The following TET1 variants were observed in gnomAD, a reference collection of about 807,000 sequenced individuals.
TET1 encodes tet methylcytosine dioxygenase 1.
TET1 carries 13 observed loss-of-function variants against 148.7 expected under a neutral mutation model. That is an observed-to-expected ratio of 0.09 (90% CI 0.06 to 0.14). The LOEUF is 0.14. Ranked by LOEUF, TET1 falls within the 10% of genes least tolerant of loss-of-function variation. The pLI, the probability that TET1 is intolerant of heterozygous loss-of-function variation, is 1.00. For missense variants in TET1, 2,182 were observed against 2,553.8 expected (o/e 0.85, Z 3.14); for synonymous variants, 907 against 937.2 (o/e 0.97, Z 0.59).
chr10:68,649,524 G>A (rs1166562003), intron 4 of TET1, among the ~76,000 whole-genome samples: 1 of 150,790 alleles, frequency 6.6e-6, no homozygotes, highest in Non-Finnish European at 1.5e-5. Flanking sequence ...GGAGAATGGC[G>A]TGAACTGGGA....
Position 68,693,569 on chromosome 10 carries a change from A to G in TET1, c.*1755A>G, listed in dbSNP as rs1257152880. On this transcript the variant is annotated 3_prime_UTR_variant, in exon 12 of 12. Transcript: ENST00000373644. ...AAAACAAAATGTCCATTGATAGACC[A>G]TCGTGTACAAGTAGATTTCTGCTTG... 4.3e-6 allele frequency: 1 copy of G among 232,830 alleles called. No homozygotes were observed. The highest frequency in any genetic ancestry group is 6.1e-5 in the East Asian group (1 of 16,458). The allele number at this position is 232,830 out of a possible 1,614,324, so 14.4% of individuals were successfully genotyped here.
intron 10 of TET1, among the ~76,000 whole-genome samples, chr10:68,685,295 A>T (rs1400266615): frequency 6.6e-6 from 1 of 152,192 alleles, no homozygotes; most frequent in Non-Finnish European, 1.5e-5. Flanking sequence ...CTTGGTATCT[A>T]TCAAGTTCTA....
intron 11 of TET1, among the ~76,000 whole-genome samples, chr10:68,687,693 A>G (rs966801728): frequency 4.6e-5 from 7 of 152,034 alleles, no homozygotes; most frequent in African/African-American, 7.2e-5. Flanking sequence ...GGCTCAAGCA[A>G]TCCTCCCACC....
chr10:68,669,913 G>C (rs1589126230), intron 7 of TET1, among the ~76,000 whole-genome samples: 1 of 151,934 alleles, frequency 6.6e-6, no homozygotes, highest in African/African-American at 2.4e-5. Context: ...CAAAGTGCTG[G>C]GATTACAGAC....
At chr10:68,592,686 G>C (rs746038025) in intron 2 of TET1, among the ~76,000 whole-genome samples, 11 of 152,120 alleles carry the variant, frequency 7.2e-5, no homozygotes, top group Non-Finnish European at 1.5e-4. Flanking sequence ...TTACCTCCAT[G>C]TGGGGCACAC....
chr10:68,677,989 G>T (rs2055384211), intron 8 of TET1, among the ~76,000 whole-genome samples: 1 of 151,654 alleles, frequency 6.6e-6, no homozygotes, highest in Non-Finnish European at 1.5e-5. Context: ...CCCAGGCAGA[G>T]TGAGGAGGGA....
chr10:68,569,465 C>T (rs753064341), intron 1 of TET1, among the ~76,000 whole-genome samples: 1 of 152,110 alleles, frequency 6.6e-6, no homozygotes, highest in African/African-American at 2.4e-5. Context: ...TGAATCACCA[C>T]GCCTGGCCAG....
At chr10:68,681,552 C>T in intron 9 of TET1, 64 bp downstream of exon 9, 1 of 1,121,000 alleles carries the variant, frequency 8.9e-7, no homozygotes, top group Non-Finnish European at 1.3e-6. Context: ...CTTTGTTGCC[C>T]AGGCAGCAGT....
intron 3 of TET1, among the ~76,000 whole-genome samples, chr10:68,636,233 G>A (rs2054648149): frequency 6.6e-6 from 1 of 152,062 alleles, no homozygotes; most frequent in African/African-American, 2.4e-5. Context: ...TAACTCTTAG[G>A]TCAGTCATGA....
intron 11 of TET1, among the ~76,000 whole-genome samples, chr10:68,689,242 G>C (rs2055558121): frequency 6.6e-6 from 1 of 152,144 alleles, no homozygotes; most frequent in African/African-American, 2.4e-5. Flanking sequence ...AGCTCTCAAG[G>C]CTCCAGGTTG....
intron 6 of TET1, among the ~76,000 whole-genome samples, chr10:68,658,430 C>T (rs985568532): frequency 6.6e-5 from 10 of 152,100 alleles, no homozygotes; most frequent in Admixed American, 2.0e-4. Flanking sequence ...TGAGCCACCG[C>T]GACAGCCCTC....
intron 3 of TET1, among the ~76,000 whole-genome samples, chr10:68,614,863 G>A (rs1439024502): frequency 6.6e-6 from 1 of 151,538 alleles, no homozygotes; most frequent in Non-Finnish European, 1.5e-5. Flanking sequence ...TAAACTCCTG[G>A]GCTTACAGGC....
At chr10:68,677,420 T>A (rs943516069) in intron 8 of TET1, among the ~76,000 whole-genome samples, 4 of 152,234 alleles carry the variant, frequency 2.6e-5, no homozygotes, top group African/African-American at 9.6e-5. Context: ...AACAAAACTA[T>A]ATTGACATGG....
rs1019724528 is a variant in TET1 at position 68,692,365 on chromosome 10, G to A, written c.*551G>A. 1 of 232,022 alleles carries A rather than the reference G, an allele frequency of 4.3e-6. No individual in the cohort carries two copies. Among genetic ancestry groups the A allele is most frequent in the Non-Finnish European group, 8.5e-6 (1 of 117,204 alleles). The allele number at this position is 232,022 out of a possible 1,614,324, so 14.4% of individuals were successfully genotyped here. A position where few individuals can be genotyped will look rare whatever the true frequency, so the allele number is the denominator to read the frequency against. On this transcript the variant is annotated 3_prime_UTR_variant, in exon 12 of 12. Coordinates refer to ENST00000373644, the MANE Select transcript of TET1 (RefSeq NM_030625.3). ...TTTTCTCTCTTAAAATATTTCTCCT[G>A]TGTAAAATAAATCATTGTTGTTAGT...
Position 68,572,313 on chromosome 10 carries a change from C to A in TET1, c.-26C>A. ...GACCAATGACTCTGTTTCCTGCGCC[C>A]TTTCATTTTTTCCTACTCTGTAGCT... On this transcript the variant is annotated 5_prime_UTR_variant, in exon 2 of 12. Coordinates refer to ENST00000373644, the MANE Select transcript of TET1 (RefSeq NM_030625.3). 1 of 1,558,976 alleles carries A rather than the reference C, an allele frequency of 6.4e-7. No individual in the cohort carries two copies. Among genetic ancestry groups the A allele is most frequent in the South Asian group, 1.2e-5 (1 of 81,580 alleles).
intron 2 of TET1, among the ~76,000 whole-genome samples, chr10:68,581,759 A>G (rs1464362183): frequency 6.6e-6 from 1 of 151,796 alleles, no homozygotes; most frequent in Admixed American, 6.6e-5. Context: ...GCAGGAGGAT[A>G]GCTTGAGCTC....
At chr10:68,633,391 T>C (rs2054605823) in intron 3 of TET1, among the ~76,000 whole-genome samples, 1 of 152,040 alleles carries the variant, frequency 6.6e-6, no homozygotes, top group Admixed American at 6.6e-5. Flanking sequence ...TGTCTTGTTT[T>C]GTTTTTTGAG....
chr10:68,583,779 C>T (rs1471453120), intron 2 of TET1, among the ~76,000 whole-genome samples: 3 of 152,038 alleles, frequency 2.0e-5, no homozygotes, highest in Non-Finnish European at 2.9e-5. Flanking sequence ...GGCATGATGG[C>T]GCGTGTCTGT....
Position 68,573,845 on chromosome 10 carries a change from G to T in TET1, c.1507G>T (p.Val503Phe), listed in dbSNP as rs752133010. ...AISNVENEKQ[V>F]HISFLPANTQ... ...AAGCAATGTAGAAAATGAGAAGCAG[G>T]TTCATATAAGCTTCCTGCCAGCTAA... The change falls in exon 2 of 12, where the codon GTT (valine) becomes TTT (phenylalanine). Residue 503 changes from valine (V) to phenylalanine (F), a missense_variant. Physicochemically the swap from Val to Phe is conservative, Grantham distance 50. Around this residue, in one of 11 missense-constraint regions of TET1, gnomAD observed 665 missense variants for 672.4 expected, o/e 0.99. Transcript: ENST00000373644. 6.2e-7 allele frequency: 1 copy of T among 1,614,078 alleles called. No homozygotes were observed. The highest frequency in any genetic ancestry group is 1.1e-5 in the South Asian group (1 of 91,080).
Sources: allele counts gnomAD v4.1 joint callset (sites outside exome capture counted in the v4.1 genomes callset), GRCh38; gene constraint gnomAD v4.1.1; regional missense constraint gnomAD v4.1.1; transcripts MANE v1.5; gene names NCBI Gene and HGNC (gene_info 2026-07-23, HGNC 2026-07-21).